RAB5B: variants seen among roughly 807,000 people sequenced by gnomAD.
RAB5B encodes RAB5B, member RAS oncogene family.
In RAB5B, 11 loss-of-function variants were observed where a neutral mutation model predicts 28.6. The ratio of observed to expected loss-of-function variants is 0.38; its 90% CI spans 0.24 to 0.64. RAB5B has a LOEUF of 0.64. RAB5B is among the 30% of genes least tolerant of loss of function. RAB5B has a pLI of 0.53. For missense variants in RAB5B, 169 were observed against 265.6 expected (o/e 0.64, Z 2.53); for synonymous variants, 93 against 97.9 (o/e 0.95, Z 0.29).
rs781577934 is a variant in RAB5B, at chr12:55,984,346, C to T, written c.-92-2523C>T. ...CTGGGACTACAGGCACGCGCCACCACGCCCAGCTAATTTTTGTATTTTTAG... is the reference window on the plus strand; with the variant it reads ...CTGGGACTACAGGCACGCGCCACCATGCCCAGCTAATTTTTGTATTTTTAG... On this transcript the variant is annotated intron_variant, in intron 1 of 5. Coordinates refer to ENST00000360299, the MANE Select transcript of RAB5B (RefSeq NM_002868.4). Among the ~76,000 whole-genome samples, 28 of 152,280 alleles carry T rather than the reference C, an allele frequency of 1.8e-4. 1 individual carries two copies. Among genetic ancestry groups the T allele is most frequent in the South Asian group, 1.2e-3 (6 of 4,828 alleles).
Position 55,995,571 on chromosome 12 carries a change from C to T in RAB5B, c.*3359C>T, listed in dbSNP as rs920328539. Reference sequence around the variant, plus strand: ...CTTCAGTCCACCACAGTCTAAAGGTCGAGGGAAGGGAAATGAAATAGGATT... The same window carrying T: ...CTTCAGTCCACCACAGTCTAAAGGTTGAGGGAAGGGAAATGAAATAGGATT... On this transcript the variant is annotated 3_prime_UTR_variant, in exon 6 of 6. Transcript: ENST00000360299. 6.6e-6 allele frequency: 1 copy of T among 151,920 alleles called. No individual in the cohort carries two copies. The highest frequency in any genetic ancestry group is 2.4e-5 in the African/African-American group (1 of 41,290). The allele number at this position is 151,920 out of a possible 1,614,324, so 9.4% of individuals were successfully genotyped here.
At chr12:55,988,425 C>G (rs192669814) in intron 2 of RAB5B, among the ~76,000 whole-genome samples, 19 of 152,354 alleles carry the variant, frequency 1.2e-4, no homozygotes, top group African/African-American at 4.6e-4. Context: ...TTCCCCACTA[C>G]TACCCCAAAA....
intron 2 of RAB5B, among the ~76,000 whole-genome samples, chr12:55,989,447 G>A (rs1258971504): frequency 6.6e-6 from 1 of 151,482 alleles, no homozygotes; most frequent in Non-Finnish European, 1.5e-5. Flanking sequence ...GCTAATTTTT[G>A]TATTTTTAGT....
intron 1 of RAB5B, chr12:55,985,575 T>C: frequency 5.4e-6 from 2 of 368,192 alleles, no homozygotes; most frequent in Non-Finnish European, 1.1e-5. Flanking sequence ...GTCCCAACTC[T>C]TCTCTCTGTT....
intron 1 of RAB5B, among the ~76,000 whole-genome samples, chr12:55,979,904 G>C (rs1477281769): frequency 6.6e-6 from 1 of 152,162 alleles, no homozygotes; most frequent in East Asian, 1.9e-4. Context: ...TTACTGCTTA[G>C]CAGTTGGCTG....
intron 1 of RAB5B, among the ~76,000 whole-genome samples, chr12:55,975,630 A>G (rs1021394090): frequency 2.6e-5 from 4 of 151,526 alleles, no homozygotes; most frequent in Admixed American, 1.3e-4. Context: ...AAAAAAAGAC[A>G]AAGATTGCCA....
At chr12:55,978,060 G>A (rs1021848258) in intron 1 of RAB5B, among the ~76,000 whole-genome samples, 2 of 152,200 alleles carry the variant, frequency 1.3e-5, no homozygotes, top group African/African-American at 4.8e-5. Flanking sequence ...TAGGCCATCT[G>A]AGGCATAGTA....
intron 3 of RAB5B, 100 bp downstream of exon 3, chr12:55,990,198 A>G: frequency 7.6e-7 from 1 of 1,318,984 alleles, no homozygotes; most frequent in South Asian, 1.4e-5. Context: ...TCATGAGGTC[A>G]AGAGATTGAG....
Position 55,990,237 on chromosome 12 carries a change from G to A in RAB5B, c.315+139G>A, listed in dbSNP as rs534367008. On this transcript the variant is annotated intron_variant, in intron 3 of 5. Coordinates refer to ENST00000360299, the MANE Select transcript of RAB5B (RefSeq NM_002868.4). ...ATCCTGGCCAACATGGTGAAACCCC[G>A]TCTCTACTAAAATTACAAAAATTAG... The A allele has an allele frequency of 2.2e-3, 2,125 of 971,064 alleles. 3 individuals carry two copies. Among genetic ancestry groups the A allele is most frequent in the Middle Eastern group, 2.7e-3 (8 of 2,934 alleles). 60.2% of individuals were successfully genotyped at this position (971,064 alleles called of 1,614,324 possible).
In RAB5B at chr12:55,994,707, G is replaced by A. The variant is rs957091428; in HGVS notation, c.*2495G>A. On this transcript the variant is annotated 3_prime_UTR_variant, in exon 6 of 6. Transcript: ENST00000360299. ...AAGTAAAAAAAGGAAAAAAAGAAAA[G>A]GGCATTGGAGTGTTGCTTTTTTTTA... 6.6e-6 allele frequency: 1 copy of A among 152,426 alleles called. No individual in the cohort carries two copies. The highest frequency in any genetic ancestry group is 1.5e-5 in the Non-Finnish European group (1 of 68,000). The allele number at this position is 152,426 out of a possible 1,614,324, so 9.4% of individuals were successfully genotyped here.
intron 3 of RAB5B, 79 bp downstream of exon 3, chr12:55,990,177 A>C: frequency 7.0e-7 from 1 of 1,431,870 alleles, no homozygotes; most frequent in Non-Finnish European, 9.5e-7. Context: ...TAGGATGCCA[A>C]GGCGGGAGGA....
intron 1 of RAB5B, among the ~76,000 whole-genome samples, chr12:55,986,044 C>G (rs796232891): frequency 1.3e-5 from 2 of 151,972 alleles, no homozygotes; most frequent in African/African-American, 2.4e-5. Flanking sequence ...TCAGGGAGAC[C>G]GGTCATATAT....
intron 1 of RAB5B, among the ~76,000 whole-genome samples, chr12:55,983,688 C>T (rs1161607974): frequency 1.6e-5 from 2 of 127,398 alleles, no homozygotes; most frequent in African/African-American, 6.1e-5. Flanking sequence ...GAGATAGCGT[C>T]TTGTTCTGTC....
intron 1 of RAB5B, among the ~76,000 whole-genome samples, chr12:55,978,858 C>T (rs1037862426): frequency 2.6e-5 from 4 of 151,640 alleles, no homozygotes; most frequent in Non-Finnish European, 5.9e-5. Context: ...CTGCAACCTC[C>T]GCCTCCCGGG....
intron 5 of RAB5B, 172 bp from the exon 6 acceptor site, chr12:55,991,925 C>CA (rs74520422): frequency 0.074 from 34,737 of 471,626 alleles, 1 homozygote; most frequent in East Asian, 0.087. Flanking sequence ...GACTCCATCT[C>CA]AAAAAAAAAA....
chr12:55,987,166 G>GT (rs34223637), intron 2 of RAB5B, 43 bp downstream of exon 2: 101,411 of 1,166,810 alleles, frequency 0.087, no homozygotes, highest in Non-Finnish European at 0.095. Flanking sequence ...TTTGGTAAGG[G>GT]TTTTTTTTTT....
At position 55,990,312 on chromosome 12, in the gene RAB5B, G is replaced by GCAGGAGAATCGCTTGAACC. The variant is rs1424926560; in HGVS notation, c.315+221_315+239dup. 3 of 511,824 alleles carry GCAGGAGAATCGCTTGAACC rather than the reference G, an allele frequency of 5.9e-6. No homozygotes were observed. In the East Asian group the frequency reaches 1.2e-4, roughly 21 times the overall value. 31.7% of individuals were successfully genotyped at this position (511,824 alleles called of 1,614,324 possible). A position where few individuals can be genotyped will look rare whatever the true frequency, so the allele number is the denominator to read the frequency against. ...AGTCCCAGCTACTCGGGAGGCTGAG[G>GCAGGAGAATCGCTTGAACC]CAGGAGAATCGCTTGAACCCAGGAG... On this transcript the variant is annotated intron_variant, in intron 3 of 5. Coordinates refer to ENST00000360299, the MANE Select transcript of RAB5B (RefSeq NM_002868.4).
In RAB5B at chr12:55,995,995, A is replaced by ATTTTTTTTTTTT. The variant is rs1293760482; in HGVS notation, c.*3784_*3785insTTTTTTTTTTTT. On this transcript the variant is annotated 3_prime_UTR_variant, in exon 6 of 6. Transcript: ENST00000360299. ...TCCATATATATATACATATATATAT[A>ATTTTTTTTTTTT]TATATATATTTTTTTTTTAACAACT... 4.1e-4 allele frequency: 43 copies of ATTTTTTTTTTTT among 103,980 alleles called. No individual in the cohort carries two copies. The highest frequency in any genetic ancestry group is 2.1e-3 in the African/African-American group (41 of 19,310). The allele number at this position is 103,980 out of a possible 1,614,324, so 6.4% of individuals were successfully genotyped here. A position where few individuals can be genotyped will look rare whatever the true frequency, so the allele number is the denominator to read the frequency against.
At position 55,996,003 on chromosome 12, in the gene RAB5B, A is replaced by ATATATATATATATTTTTTTTT; in HGVS notation, c.*3792_*3793insATATATATATATTTTTTTTTT. 4.1e-5 allele frequency: 4 copies of ATATATATATATATTTTTTTTT among 97,430 alleles called. No individual in the cohort carries two copies. Among genetic ancestry groups the ATATATATATATATTTTTTTTT allele is most frequent in the Non-Finnish European group, 5.9e-5 (3 of 50,494 alleles). 6.0% of individuals were successfully genotyped at this position (97,430 alleles called of 1,614,324 possible). On this transcript the variant is annotated 3_prime_UTR_variant, in exon 6 of 6. Coordinates refer to ENST00000360299, the MANE Select transcript of RAB5B (RefSeq NM_002868.4). Reference sequence around the variant, plus strand: ...TATATACATATATATATATATATATATTTTTTTTTTAACAACTGGTAGGAT... The same window carrying ATATATATATATATTTTTTTTT: ...TATATACATATATATATATATATATATATATATATATATTTTTTTTTTTTTTTTTTTAACAACTGGTAGGAT...
Sources: gnomAD v4.1 joint callset for allele counts (sites outside exome capture counted in the v4.1 genomes callset) on GRCh38, gnomAD v4.1.1 for gene constraint, MANE v1.5 for transcripts, NCBI Gene and HGNC (gene_info 2026-07-23, HGNC 2026-07-21) for gene names.